The following GLS variants were observed in gnomAD, a reference collection of about 807,000 sequenced individuals.
The protein encoded by GLS is glutaminase kidney isoform, mitochondrial.
A neutral mutation model predicts 86.7 loss-of-function variants in GLS; 36 were observed. That is an observed-to-expected ratio of 0.42 (90% CI 0.32 to 0.55). The LOEUF (loss-of-function observed/expected upper bound fraction) is 0.55. GLS is among the 20% of genes least tolerant of loss of function. GLS has a pLI of 0.17. For missense variants in GLS, 528 were observed against 833.4 expected (o/e 0.63, Z 4.51); for synonymous variants, 317 against 305.9 (o/e 1.04, Z -0.38).
At chr2:190,923,223 C>T (rs1689802756) in intron 9 of GLS, among the ~76,000 whole-genome samples, 1 of 152,130 alleles carries the variant, frequency 6.6e-6, no homozygotes, top group South Asian at 2.1e-4. Context: ...TCTTTGTAAG[C>T]CCTCAGGCTT....
chr2:190,886,600 C>CT (rs1688386510), intron 1 of GLS, among the ~76,000 whole-genome samples: 1 of 152,118 alleles, frequency 6.6e-6, no homozygotes, highest in African/African-American at 2.4e-5. Context: ...TTGTGGGTTT[C>CT]TTTGAGTTTT....
Position 190,963,335 on chromosome 2 carries a change from C to A in GLS, c.*349C>A. 1 of 184,100 alleles carries A rather than the reference C, an allele frequency of 5.4e-6. No homozygotes were observed. Among genetic ancestry groups the A allele is most frequent in the Non-Finnish European group, 1.1e-5 (1 of 87,114 alleles). 11.4% of individuals were successfully genotyped at this position (184,100 alleles called of 1,614,324 possible). A position where few individuals can be genotyped will look rare whatever the true frequency, so the allele number is the denominator to read the frequency against. On this transcript the variant is annotated 3_prime_UTR_variant, in exon 18 of 18. Transcript: ENST00000320717. ...TGCTGATATGCATTTATAAAGTAAG[C>A]TCTGTTGTACAGTCTGTCCAAATGG...
chr2:190,961,083 G>A (rs1363043747), intron 17 of GLS, among the ~76,000 whole-genome samples: 1 of 152,160 alleles, frequency 6.6e-6, no homozygotes, highest in Non-Finnish European at 1.5e-5. Context: ...GAAAGTAGAT[G>A]TACCCACCTG....
intron 14 of GLS, among the ~76,000 whole-genome samples, chr2:190,937,504 T>C (rs1028620091): frequency 3.3e-5 from 5 of 151,434 alleles, no homozygotes; most frequent in African/African-American, 1.2e-4. Context: ...AAGGTACTTA[T>C]TTTTAAAATA....
chr2:190,881,243 A>C lies in GLS; in HGVS notation c.159A>C (p.Arg53=). The C allele has an allele frequency of 1.6e-6, 2 of 1,255,084 alleles. No individual in the cohort carries two copies. Among genetic ancestry groups the C allele is most frequent in the South Asian group, 6.7e-5 (2 of 29,900 alleles). 77.7% of individuals were successfully genotyped at this position (1,255,084 alleles called of 1,614,324 possible). A position where few individuals can be genotyped will look rare whatever the true frequency, so the allele number is the denominator to read the frequency against. The change falls in exon 1 of 18, where the codon CGA becomes CGC. Residue 53 remains arginine, a synonymous_variant. Coordinates refer to ENST00000320717, the MANE Select transcript of GLS (RefSeq NM_014905.5). ...CCGCGGGCCCGGCTGCCGCCGCGCGACTCCACCCGTGGTGGGGCGGGGGCG... is the reference window on the plus strand; with the variant it reads ...CCGCGGGCCCGGCTGCCGCCGCGCGCCTCCACCCGTGGTGGGGCGGGGGCG... The part of the protein sequence containing the change: ...RPAAGPAAAA[R]LHPWWGGGGW...
intron 14 of GLS, chr2:190,933,116 A>T (rs1337324084): frequency 2.2e-6 from 2 of 921,588 alleles, no homozygotes. Flanking sequence ...GGAAAAATTT[A>T]AATTTTTTTT....
chr2:190,962,800 G>T lies in GLS; in HGVS notation c.1854-30G>T. ...CATCTTTGTACATAAATTACCTAATGACCCTGTCCATGCTGTGCTACGTGT... is the reference window on the plus strand; with the variant it reads ...CATCTTTGTACATAAATTACCTAATTACCCTGTCCATGCTGTGCTACGTGT... On this transcript the variant is annotated intron_variant, in intron 17 of 17. Coordinates refer to ENST00000320717, the MANE Select transcript of GLS (RefSeq NM_014905.5). The surrounding 1 kb of genome is among the most constrained non-coding windows in gnomAD (Gnocchi z 4.2). 2 of 1,355,558 alleles carry T rather than the reference G, an allele frequency of 1.5e-6. No homozygotes were observed. Among genetic ancestry groups the T allele is most frequent in the South Asian group, 2.2e-5 (1 of 45,704 alleles). 84.0% of individuals were successfully genotyped at this position (1,355,558 alleles called of 1,614,324 possible).
In GLS at chr2:190,881,254, G is replaced by C; in HGVS notation, c.170G>C (p.Trp57Ser). The C allele has an allele frequency of 7.8e-7, 1 of 1,275,370 alleles. No homozygotes were observed. Among genetic ancestry groups the C allele is most frequent in the South Asian group, 2.8e-5 (1 of 35,446 alleles). 79.0% of individuals were successfully genotyped at this position (1,275,370 alleles called of 1,614,324 possible). Residue 57 changes from tryptophan to serine, a missense_variant, in exon 1 of 18, where the codon TGG becomes TCG. Trp to Ser is a radical substitution (Grantham distance 177). Around this residue, in one of 4 missense-constraint regions of GLS, gnomAD observed 224 missense variants for 187.9 expected, o/e 1.19. Transcript: ENST00000320717. ...GCTGCCGCCGCGCGACTCCACCCGT[G>C]GTGGGGCGGGGGCGGCTGGCCGGCG... is the stretch of plus-strand genomic sequence containing the variant. ...GPAAAARLHP[W>S]WGGGGWPAEP...
At chr2:190,907,203 C>G (rs1689177557) in intron 6 of GLS, among the ~76,000 whole-genome samples, 1 of 149,164 alleles carries the variant, frequency 6.7e-6, no homozygotes, top group East Asian at 2.0e-4. Context: ...GGATTACAGG[C>G]TTGAGCCACT....
chr2:190,913,197 G>A lies in GLS; in HGVS notation c.1038+2876G>A. On this transcript the variant is annotated intron_variant, in intron 7 of 17. Transcript: ENST00000320717. This position sits in a 1 kb window ranked among gnomAD's most constrained non-coding sequence, Gnocchi z 6.1. ...ATTGATATTTTTTCCTTGTAGGATT[G>A]GTGGTGATCCTCAGGAAATGGGGGA... 1 of 1,295,552 alleles carries A rather than the reference G, an allele frequency of 7.7e-7. No homozygotes were observed. Among genetic ancestry groups the A allele is most frequent in the Non-Finnish European group, 1.0e-6 (1 of 981,156 alleles). The allele number at this position is 1,295,552 out of a possible 1,614,324, so 80.3% of individuals were successfully genotyped here.
chr2:190,910,191 C>A (rs1334564697), intron 6 of GLS, 72 bp from the exon 7 acceptor site: 10 of 917,132 alleles, frequency 1.1e-5, no homozygotes, highest in African/African-American at 1.7e-5. Flanking sequence ...TTTCCAAGGT[C>A]ATTTTTAGTA....
Position 190,963,258 on chromosome 2 carries a change from G to C in GLS, c.*272G>C. 3.9e-6 allele frequency: 1 copy of C among 255,810 alleles called. No homozygotes were observed. Among genetic ancestry groups the C allele is most frequent in the Admixed American group, 5.2e-5 (1 of 19,108 alleles). The allele number at this position is 255,810 out of a possible 1,614,324, so 15.8% of individuals were successfully genotyped here. A position where few individuals can be genotyped will look rare whatever the true frequency, so the allele number is the denominator to read the frequency against. ...ATAGTTACCAATGCTAGCTTGTGTG[G>C]TCTTCCATGATTTATTTGTGTTTTG... On this transcript the variant is annotated 3_prime_UTR_variant, in exon 18 of 18. Transcript: ENST00000320717.
chr2:190,954,612 C>G lies in GLS; in HGVS notation c.1741C>G (p.Gln581Glu). Reference protein sequence around the residue: ...RFALSAMDMEQRDYDSRTALH... With the variant: ...RFALSAMDMEERDYDSRTALH... ...TGCTTTGTCAGCTATGGACATGGAA[C>G]AGCGGGACTATGATTCTAGAACAGC... Residue 581 changes from glutamine (Q) to glutamate (E), a missense_variant, in exon 16 of 18, where the codon CAG becomes GAG. This residue lies in a region of GLS where 163 missense variants were observed against 429.2 expected (regional missense o/e 0.38). Coordinates refer to ENST00000320717, the MANE Select transcript of GLS (RefSeq NM_014905.5). This position sits in a 1 kb window ranked among gnomAD's most constrained non-coding sequence, Gnocchi z 4.0. The G allele has an allele frequency of 6.2e-7, 1 of 1,613,050 alleles. No individual in the cohort carries two copies. The highest frequency in any genetic ancestry group is 8.5e-7 in the Non-Finnish European group (1 of 1,179,122).
In GLS at chr2:190,953,585, T is replaced by A. The variant is rs1031975700; in HGVS notation, c.1671T>A (p.Leu557=). The change falls in exon 15 of 18, where the codon CTT becomes CTA. Residue 557 remains leucine (L), a synonymous_variant. Coordinates refer to ENST00000320717, the MANE Select transcript of GLS (RefSeq NM_014905.5). The surrounding 1 kb of genome is among the most constrained non-coding windows in gnomAD (Gnocchi z 4.0). The part of the protein sequence containing the change: ...GDQRVKSVIN[L]LFAAYTGDVS... ...CACAGGTAAAGTCAGTGATAAATCT[T>A]TTGTTTGCTGCATATACTGGAGATG... The A allele has an allele frequency of 1.2e-6, 2 of 1,611,470 alleles. No individual in the cohort carries two copies. The highest frequency in any genetic ancestry group is 1.7e-6 in the Non-Finnish European group (2 of 1,177,634).
intron 12 of GLS, among the ~76,000 whole-genome samples, chr2:190,929,739 G>GGAT (rs1400459002): frequency 6.6e-6 from 1 of 151,718 alleles, no homozygotes; most frequent in Non-Finnish European, 1.5e-5. Flanking sequence ...CAGAGTGCTG[G>GGAT]GATTACAGGC....
rs760998204 is a variant in GLS at position 190,947,901 on chromosome 2, A to C, written c.1651-5664A>C. Among the ~76,000 whole-genome samples the C allele has an allele frequency of 1.3e-5, 2 of 152,078 alleles. No individual in the cohort carries two copies. Among genetic ancestry groups the C allele is most frequent in the Non-Finnish European group, 2.9e-5 (2 of 68,018 alleles). Reference sequence around the variant, plus strand: ...AGGGTGTGTCAGCTTAGTTGGAAATACTCGTGGCGCTCTTTAACAGACCAG... The same window carrying C: ...AGGGTGTGTCAGCTTAGTTGGAAATCCTCGTGGCGCTCTTTAACAGACCAG... On this transcript the variant is annotated intron_variant, in intron 14 of 17. Transcript: ENST00000320717. The surrounding 1 kb of genome is among the most constrained non-coding windows in gnomAD (Gnocchi z 5.0).
At position 190,897,189 on chromosome 2, in the gene GLS, G is replaced by A. The variant is rs747766861; in HGVS notation, c.605+1464G>A. On this transcript the variant is annotated intron_variant, in intron 3 of 17. Transcript: ENST00000320717. The surrounding 1 kb of genome is among the most constrained non-coding windows in gnomAD (Gnocchi z 4.3). ...ATTAAGGGCGCCTGCCACCATGCCT[G>A]GCTTTTTTGTATTTTTAGTGAGACG... is the stretch of plus-strand genomic sequence containing the variant. Among the ~76,000 whole-genome samples, 10 of 151,996 alleles carry A rather than the reference G, an allele frequency of 6.6e-5. No homozygotes were observed. The highest frequency in any genetic ancestry group is 1.3e-4 in the Non-Finnish European group (9 of 67,986).
chr2:190,903,510 G>A (rs1403959276), intron 5 of GLS, among the ~76,000 whole-genome samples: 1 of 152,232 alleles, frequency 6.6e-6, no homozygotes, highest in Middle Eastern at 3.4e-3. Flanking sequence ...AGCAAATTCC[G>A]GTAGGGAATG....
intron 13 of GLS, 126 bp from the exon 14 acceptor site, chr2:190,931,419 A>T (rs1177312123): frequency 4.5e-6 from 2 of 444,630 alleles, no homozygotes; most frequent in Non-Finnish European, 8.1e-6. Flanking sequence ...GATGCATTAT[A>T]CTACTTTATT....
Sources: gnomAD v4.1 joint callset for allele counts (sites outside exome capture counted in the v4.1 genomes callset) on GRCh38, gnomAD v4.1.1 for gene constraint, gnomAD v4.1.1 regional missense constraint, Gnocchi (gnomAD v3.1) non-coding constraint, MANE v1.5 for transcripts, NCBI Gene and HGNC (gene_info 2026-07-23, HGNC 2026-07-21) for gene names.